The following FBXO11 variants were observed in gnomAD, a reference collection of about 807,000 sequenced individuals.
FBXO11 encodes F-box only protein 11.
FBXO11 carries 13 observed loss-of-function variants against 117.0 expected under a neutral mutation model. That is an observed-to-expected ratio of 0.11 (90% CI 0.07 to 0.18). The LOEUF (loss-of-function observed/expected upper bound fraction) is 0.18. Ranked by LOEUF, FBXO11 falls within the 10% of genes least tolerant of loss-of-function variation. The pLI, the probability that FBXO11 is intolerant of heterozygous loss-of-function variation, is 1.00. For missense variants in FBXO11, 767 were observed against 1,164.4 expected, an observed-to-expected ratio of 0.66 and a Z score of 4.97; for synonymous variants, 490 against 380.5, an observed-to-expected ratio of 1.29 and a Z score of -3.35.
At chr2:47,899,351 T>C (rs1677923542) in intron 1 of FBXO11, among the ~76,000 whole-genome samples, 1 of 152,022 alleles carries the variant, frequency 6.6e-6, no homozygotes. Flanking sequence ...GTCATACAGA[T>C]TGAATTTTAT....
intron 16 of FBXO11, chr2:47,814,149 G>A: frequency 3.3e-6 from 1 of 306,690 alleles, no homozygotes; most frequent in Non-Finnish European, 6.2e-6. Flanking sequence ...GTAAAATGAA[G>A]GACTGAATTA....
intron 20 of FBXO11, 153 bp downstream of exon 20, chr2:47,809,443 TCCAA>T (rs914158086): frequency 2.9e-6 from 2 of 692,200 alleles, no homozygotes; most frequent in African/African-American, 3.6e-5. Flanking sequence ...TATAAGATAC[TCCAA>T]CCATTTAGAA....
At chr2:47,814,873 T>C (rs1670899974) in intron 16 of FBXO11, among the ~76,000 whole-genome samples, 2 of 152,192 alleles carry the variant, frequency 1.3e-5, no homozygotes, top group Admixed American at 6.5e-5. Context: ...TCTAAATCCT[T>C]TGTCTTCATT....
At chr2:47,810,191 G>T in intron 19 of FBXO11, 125 bp downstream of exon 19, 1 of 610,026 alleles carries the variant, frequency 1.6e-6, no homozygotes, top group Non-Finnish European at 2.8e-6. Context: ...TGAATGAACA[G>T]GCATTCAGCC....
intron 14 of FBXO11, among the ~76,000 whole-genome samples, chr2:47,819,440 T>G (rs2104706436): frequency 6.6e-6 from 1 of 152,278 alleles, no homozygotes; most frequent in South Asian, 2.1e-4. Context: ...GGTCTTGAAC[T>G]CCTGACCTCG....
intron 1 of FBXO11, among the ~76,000 whole-genome samples, chr2:47,872,944 T>C (rs1199889148): frequency 6.6e-6 from 1 of 152,118 alleles, no homozygotes; most frequent in Non-Finnish European, 1.5e-5. Flanking sequence ...CAGTAAATAT[T>C]GATAGCTATA....
At position 47,881,524 on chromosome 2, in the gene FBXO11, C is replaced by T. The variant is rs549966149; in HGVS notation, c.232+23965G>A. Among the ~76,000 whole-genome samples, 131 of 152,184 alleles carry T rather than the reference C, an allele frequency of 8.6e-4. 1 individual carries two copies. The highest frequency in any genetic ancestry group is 3.0e-3 in the African/African-American group (124 of 41,526). On this transcript the variant is annotated intron_variant, in intron 1 of 22. Transcript: ENST00000403359. ...CCCTATTTAATCAATAGTATTGAAA[C>T]TAATAGCATTATCTTTAGTGTTTTA...
intron 1 of FBXO11, among the ~76,000 whole-genome samples, chr2:47,859,146 A>G (rs1486436234): frequency 6.6e-6 from 1 of 152,174 alleles, no homozygotes; most frequent in Non-Finnish European, 1.5e-5. Context: ...TGGCACTAAC[A>G]GAACTAATGA....
In FBXO11 at chr2:47,855,758, G is replaced by A. The variant is rs1441848991; in HGVS notation, c.233-15989C>T. Among the ~76,000 whole-genome samples the A allele has an allele frequency of 3.3e-5, 5 of 151,088 alleles. No individual in the cohort carries two copies. The East Asian group carries it at 9.8e-4, about 30-fold the overall frequency. On this transcript the variant is annotated intron_variant, in intron 1 of 22. Transcript: ENST00000403359. The stretch of plus-strand genomic sequence containing the variant: ...GAGGCAGGAGAATTGCTTGAACCTG[G>A]GAGGCAGAGGTTCCAGTGAGCCAAG...
chr2:47,890,101 C>A (rs1677150848), intron 1 of FBXO11, among the ~76,000 whole-genome samples: 2 of 152,114 alleles, frequency 1.3e-5, no homozygotes, highest in Admixed American at 1.3e-4. Flanking sequence ...CAGGTACATG[C>A]CACCAGGCCT....
At chr2:47,852,453 C>T (rs1443917917) in intron 1 of FBXO11, among the ~76,000 whole-genome samples, 5 of 152,148 alleles carry the variant, frequency 3.3e-5, no homozygotes, top group Non-Finnish European at 5.9e-5. Flanking sequence ...CAAGTAATCA[C>T]CCGACAAGAA....
chr2:47,811,744 C>T (rs539745580), intron 18 of FBXO11: 44 of 152,228 alleles, frequency 2.9e-4, no homozygotes, highest in African/African-American at 9.9e-4. Flanking sequence ...ACTTTCAACC[C>T]CCATATTAAA....
chr2:47,867,831 T>C (rs762266353), intron 1 of FBXO11, among the ~76,000 whole-genome samples: 1 of 152,086 alleles, frequency 6.6e-6, no homozygotes, highest in Admixed American at 6.5e-5. Context: ...TCCAGGGAAA[T>C]AGAGATGACA....
intron 4 of FBXO11, chr2:47,836,904 T>C: frequency 2.7e-6 from 1 of 373,048 alleles, no homozygotes; most frequent in South Asian, 2.0e-5. Flanking sequence ...TTGTCTTATT[T>C]TTTGATTTTT....
At chr2:47,867,390 C>G (rs951980222) in intron 1 of FBXO11, among the ~76,000 whole-genome samples, 2 of 152,190 alleles carry the variant, frequency 1.3e-5, no homozygotes, top group African/African-American at 2.4e-5. Context: ...AGTTCTCATA[C>G]TGGCAATTAA....
intron 1 of FBXO11, among the ~76,000 whole-genome samples, chr2:47,841,197 CA>C (rs556827545): frequency 1.3e-5 from 2 of 149,990 alleles, no homozygotes; most frequent in African/African-American, 4.9e-5. Context: ...GACTCCGTCT[CA>C]AAAAAAAACC....
At chr2:47,836,757 C>T (rs1223909395) in intron 4 of FBXO11, among the ~76,000 whole-genome samples, 2 of 152,164 alleles carry the variant, frequency 1.3e-5, no homozygotes, top group African/African-American at 4.8e-5. Context: ...GTAAAAACAT[C>T]ATGATTATCA....
At chr2:47,895,759 C>A (rs1431569380) in intron 1 of FBXO11, among the ~76,000 whole-genome samples, 1 of 152,076 alleles carries the variant, frequency 6.6e-6, no homozygotes, top group Non-Finnish European at 1.5e-5. Flanking sequence ...GTGGCATGAT[C>A]TGGGCTCACT....
At position 47,905,574 on chromosome 2, in the gene FBXO11, C is replaced by CT. The variant is rs2104138774; in HGVS notation, c.146_147insA (p.Gln50AlafsTer30). 2 of 1,252,164 alleles carry CT rather than the reference C, an allele frequency of 1.6e-6. No individual in the cohort carries two copies. Among genetic ancestry groups the CT allele is most frequent in the Non-Finnish European group, 1.0e-6 (1 of 1,001,352 alleles). The allele number at this position is 1,252,164 out of a possible 1,614,324, so 77.6% of individuals were successfully genotyped here. On this transcript the variant is annotated frameshift_variant, in exon 1 of 23. Coordinates refer to ENST00000403359, the MANE Select transcript of FBXO11 (RefSeq NM_001190274.2). LOFTEE classifies it high-confidence loss of function. ...GAGGCTGCTGCTGCTGCTGCTGCTG[C>CT]GGCGGCGGCGGAGGCTGCTGCTGGG...
Sources: allele counts gnomAD v4.1 joint callset (sites outside exome capture counted in the v4.1 genomes callset), GRCh38; gene constraint gnomAD v4.1.1; transcripts MANE v1.5; gene names NCBI Gene and HGNC (gene_info 2026-07-23, HGNC 2026-07-21).